Variants in PDZD2 observed in about 807,000 individuals in gnomAD.
The protein encoded by PDZD2 is PDZ domain-containing protein 2.
A neutral mutation model predicts 220.7 loss-of-function variants in PDZD2; 90 were observed. That is an observed-to-expected ratio of 0.41 (90% CI 0.34 to 0.49). The LOEUF is 0.49. Among genes scored for constraint, PDZD2 ranks in the 20% least tolerant of loss-of-function variants. The probability of loss-of-function intolerance (pLI) is 0.28; values close to 1 mark genes in which losing one functional copy is unlikely to be tolerated. For missense variants in PDZD2, 3,174 were observed against 3,608.5 expected, an observed-to-expected ratio of 0.88 and a Z score of 3.08; for synonymous variants, 1,375 against 1,450.5, an observed-to-expected ratio of 0.95 and a Z score of 1.18.
chr5:31,899,165 C>T (rs1328552960), intron 2 of PDZD2, among the ~76,000 whole-genome samples: 7 of 151,978 alleles, frequency 4.6e-5, no homozygotes, highest in African/African-American at 1.2e-4. Flanking sequence ...TTTGCTCTGT[C>T]GCCCAGGCTG....
At chr5:31,702,143 G>A (rs1747636373) in intron 1 of PDZD2, among the ~76,000 whole-genome samples, 1 of 152,194 alleles carries the variant, frequency 6.6e-6, no homozygotes, top group Non-Finnish European at 1.5e-5. Flanking sequence ...TTTCTCATGG[G>A]CTCATGGCAG....
At chr5:31,711,449 C>G (rs1275794289) in intron 1 of PDZD2, among the ~76,000 whole-genome samples, 2 of 152,232 alleles carry the variant, frequency 1.3e-5, no homozygotes, top group African/African-American at 4.8e-5. Context: ...ATAAGCAAGT[C>G]TATGCTTGAC....
intron 1 of PDZD2, among the ~76,000 whole-genome samples, chr5:31,757,222 G>T (rs1322739922): frequency 6.6e-6 from 1 of 152,100 alleles, no homozygotes; most frequent in Non-Finnish European, 1.5e-5. Context: ...GGAGCTCCAG[G>T]CTGCAGTGAG....
chr5:32,061,037 A>T lies in PDZD2; in HGVS notation c.2354A>T (p.Asn785Ile). 1 of 1,614,162 alleles carries T rather than the reference A, an allele frequency of 6.2e-7. No individual in the cohort carries two copies. Among genetic ancestry groups the T allele is most frequent in the Non-Finnish European group, 8.5e-7 (1 of 1,180,000 alleles). Residue 785 changes from asparagine (N) to isoleucine (I), a missense_variant, in exon 14 of 25, where the codon AAC (asparagine) becomes ATC (isoleucine). Physicochemically the swap from Asn to Ile is moderately radical, Grantham distance 149. Transcript: ENST00000438447. Reference protein sequence around the residue: ...GDQILEVNSVNVRHAALSKVH... With the variant: ...GDQILEVNSVIVRHAALSKVH... Reference sequence around the variant, plus strand: ...CAAATCCTGGAAGTGAACTCCGTCAACGTCCGCCATGCTGCTTTAAGCAAA... The same window carrying T: ...CAAATCCTGGAAGTGAACTCCGTCATCGTCCGCCATGCTGCTTTAAGCAAA...
At chr5:31,936,961 G>A (rs2150398258) in intron 2 of PDZD2, among the ~76,000 whole-genome samples, 1 of 152,328 alleles carries the variant, frequency 6.6e-6, no homozygotes, top group Middle Eastern at 3.4e-3. Context: ...TTGTCATGGA[G>A]TGGGGGGAGT....
intron 2 of PDZD2, among the ~76,000 whole-genome samples, chr5:31,981,214 A>T (rs1201928598): frequency 1.3e-5 from 2 of 152,160 alleles, no homozygotes; most frequent in African/African-American, 4.8e-5. Flanking sequence ...CCTGGGATCA[A>T]AGAAGGTTTG....
intron 2 of PDZD2, among the ~76,000 whole-genome samples, chr5:31,839,360 T>C (rs1023916954): frequency 6.6e-6 from 1 of 152,084 alleles, no homozygotes; most frequent in African/African-American, 2.4e-5. Context: ...ACATAAGTTA[T>C]AAATAATCAT....
intron 1 of PDZD2, among the ~76,000 whole-genome samples, chr5:31,674,226 C>CT (rs1328840002): frequency 3.9e-5 from 6 of 152,152 alleles, no homozygotes; most frequent in African/African-American, 9.7e-5. Context: ...CAAATACAGT[C>CT]TGTGAAAAGA....
intron 2 of PDZD2, among the ~76,000 whole-genome samples, chr5:31,888,684 G>C (rs1740740047): frequency 6.6e-6 from 1 of 152,180 alleles, no homozygotes; most frequent in Non-Finnish European, 1.5e-5. Context: ...AACACAGAGG[G>C]TAATCAATAA....
At chr5:32,081,660 T>C (rs1356673319) in intron 19 of PDZD2, among the ~76,000 whole-genome samples, 2 of 152,212 alleles carry the variant, frequency 1.3e-5, no homozygotes, top group African/African-American at 4.8e-5. Context: ...CTTCTTCCAG[T>C]GTTATTACAA....
chr5:31,702,059 G>C (rs2150134241), intron 1 of PDZD2, among the ~76,000 whole-genome samples: 1 of 152,368 alleles, frequency 6.6e-6, no homozygotes, highest in South Asian at 2.1e-4. Flanking sequence ...TACACAGTCA[G>C]TTCTCAGTGA....
chr5:32,040,218 T>G (rs1755946337), intron 7 of PDZD2, among the ~76,000 whole-genome samples: 1 of 145,684 alleles, frequency 6.9e-6, no homozygotes, highest in Admixed American at 6.8e-5. Flanking sequence ...CCGCCCCATC[T>G]GGGAAGTGAG....
rs554715385 is a variant in PDZD2, at chr5:31,993,378, C to T, written c.979-2198C>T. ...GATAGCGGAGCCCCACCGAACAGCA[C>T]GCTACCCGAAGGAGTGTGGGATCCA... On this transcript the variant is annotated intron_variant, in intron 3 of 24. Coordinates refer to ENST00000438447, the MANE Select transcript of PDZD2 (RefSeq NM_178140.4). Among the ~76,000 whole-genome samples, 55 of 152,320 alleles carry T rather than the reference C, an allele frequency of 3.6e-4. 1 individual carries two copies. The highest frequency in any genetic ancestry group is 3.4e-3 in the Middle Eastern group (1 of 294).
intron 2 of PDZD2, among the ~76,000 whole-genome samples, chr5:31,957,656 G>A (rs1025280643): frequency 1.3e-5 from 2 of 152,058 alleles, no homozygotes; most frequent in African/African-American, 2.4e-5. Context: ...TCTCCAGCTT[G>A]GTATCATAAC....
intron 2 of PDZD2, among the ~76,000 whole-genome samples, chr5:31,919,875 C>G (rs1485942821): frequency 7.0e-6 from 1 of 143,522 alleles, no homozygotes; most frequent in African/African-American, 2.7e-5. Context: ...TTTTTATGAA[C>G]CAGGCGTGGT....
intron 3 of PDZD2, among the ~76,000 whole-genome samples, chr5:31,986,236 A>AT (rs1385551867): frequency 2.0e-5 from 3 of 152,092 alleles, no homozygotes; most frequent in African/African-American, 4.8e-5. Context: ...CCTTTAGGGC[A>AT]TTTTTTTTAA....
intron 8 of PDZD2, among the ~76,000 whole-genome samples, chr5:32,050,266 A>G (rs752957124): frequency 6.6e-6 from 1 of 152,172 alleles, no homozygotes; most frequent in Non-Finnish European, 1.5e-5. Context: ...GAGGGTTTAC[A>G]GCCATCATGG....
chr5:31,823,712 A>G lies in PDZD2; in HGVS notation c.476+23988A>G, dbSNP rs148790061. Among the ~76,000 whole-genome samples the G allele has an allele frequency of 3.0e-3, 457 of 152,298 alleles. 1 individual carries two copies. Among genetic ancestry groups the G allele is most frequent in the Middle Eastern group, 0.01 (3 of 294 alleles). ...ATCAAGCGGTGAGCTTGGAAGATAT[A>G]GGAGCAGGAAAACCACCTCCATCCT... On this transcript the variant is annotated intron_variant, in intron 2 of 24. Transcript: ENST00000438447.
At chr5:31,908,974 A>T (rs1742936686) in intron 2 of PDZD2, 4 of 320,388 alleles carry the variant, frequency 1.2e-5, no homozygotes, top group South Asian at 1.2e-4. Context: ...TGAACCCGGG[A>T]GGCGGAGGCT....
Sources: allele counts gnomAD v4.1 joint callset (sites outside exome capture counted in the v4.1 genomes callset), GRCh38; gene constraint gnomAD v4.1.1; transcripts MANE v1.5; gene names NCBI Gene and HGNC (gene_info 2026-07-23, HGNC 2026-07-21).